Variants in CRIPT observed in about 807,000 individuals in gnomAD.
CRIPT encodes the protein CXXC repeat containing interactor of PDZ3 domain.
Under a neutral mutation model 16.6 loss-of-function variants are expected in CRIPT, and 20 were observed. That is an observed-to-expected ratio of 1.20 (90% CI 0.85 to 1.75). The LOEUF is 1.75. Among genes scored for constraint, CRIPT ranks in the 40% most tolerant of loss-of-function variants. The pLI is 0.00. For missense variants in CRIPT, 133 were observed against 115.3 expected (o/e 1.15, Z -0.70); for synonymous variants, 42 against 37.0 (o/e 1.14, Z -0.49).
Position 46,626,663 on chromosome 2 carries a change from G to T in CRIPT, c.*2436G>T, listed in dbSNP as rs1387859074. Among the ~76,000 whole-genome samples, 34 of 152,188 alleles carry T rather than the reference G, an allele frequency of 2.2e-4. No individual in the cohort carries two copies. Among genetic ancestry groups the T allele is most frequent in the Admixed American group, 2.1e-3 (32 of 15,280 alleles). ...TTGACTTTTTGATAATAGCCATTCTGACTGGTGTGAGATTGTAACTCATTG... is the reference window on the plus strand; with the variant it reads ...TTGACTTTTTGATAATAGCCATTCTTACTGGTGTGAGATTGTAACTCATTG... On this transcript the variant is annotated 3_prime_UTR_variant, in exon 5 of 5. Coordinates refer to ENST00000238892, the MANE Select transcript of CRIPT (RefSeq NM_014171.6).
intron 3 of CRIPT, among the ~76,000 whole-genome samples, chr2:46,621,597 A>G (rs1033999682): frequency 4.7e-4 from 72 of 152,152 alleles, no homozygotes; most frequent in African/African-American, 1.4e-3. Context: ...TCTCACTACA[A>G]TATTATCTGA....
chr2:46,624,001 C>T, intron 4 of CRIPT, 134 bp downstream of exon 4: 2 of 504,938 alleles, frequency 4.0e-6, no homozygotes, highest in Non-Finnish European at 6.4e-6. Context: ...CAAAATAGAA[C>T]CTAAAACCTG....
At chr2:46,624,001 C>G (rs1291286540) in intron 4 of CRIPT, 134 bp downstream of exon 4, 3 of 504,836 alleles carry the variant, frequency 5.9e-6, no homozygotes, top group Non-Finnish European at 9.5e-6. Flanking sequence ...CAAAATAGAA[C>G]CTAAAACCTG....
chr2:46,623,173 A>G (rs1042424085), intron 3 of CRIPT, among the ~76,000 whole-genome samples: 1 of 152,306 alleles, frequency 6.6e-6, no homozygotes, highest in African/African-American at 2.4e-5. Context: ...ATAACTGTAG[A>G]TGCATTAATC....
intron 2 of CRIPT, 31 bp from the exon 3 acceptor site, chr2:46,619,596 A>G: frequency 6.7e-7 from 1 of 1,483,306 alleles, no homozygotes; most frequent in South Asian, 1.2e-5. Context: ...TATAGAAATA[A>G]CCCACTAAAA....
intron 1 of CRIPT, 99 bp downstream of exon 1, chr2:46,617,397 A>G (rs1273718473): frequency 5.2e-6 from 7 of 1,346,356 alleles, no homozygotes; most frequent in Non-Finnish European, 3.1e-6. Flanking sequence ...CTTCGCCCAC[A>G]GGTCTCAGAT....
chr2:46,624,451 G>A lies in CRIPT; in HGVS notation c.*224G>A. The stretch of plus-strand genomic sequence containing the variant: ...TTATAAGAATTTTAAGAACTAAGTG[G>A]CAAATTCCATGAAAATATTTCTCAG... On this transcript the variant is annotated 3_prime_UTR_variant, in exon 5 of 5. Transcript: ENST00000238892. 6.0e-6 allele frequency: 2 copies of A among 333,402 alleles called. No individual in the cohort carries two copies. Among genetic ancestry groups the A allele is most frequent in the Admixed American group, 9.5e-5 (2 of 21,002 alleles). The allele number at this position is 333,402 out of a possible 1,614,324, so 20.7% of individuals were successfully genotyped here. A position where few individuals can be genotyped will look rare whatever the true frequency, so the allele number is the denominator to read the frequency against.
chr2:46,620,207 G>C (rs1048243518), intron 3 of CRIPT, among the ~76,000 whole-genome samples: 1 of 152,158 alleles, frequency 6.6e-6, no homozygotes, highest in African/African-American at 2.4e-5. Flanking sequence ...CTAGCACTTT[G>C]GGAAGCCAAG....
Position 46,623,842 on chromosome 2 carries a change from C to G in CRIPT, c.216C>G (p.Tyr72Ter), listed in dbSNP as rs200980926. Reference sequence around the variant, plus strand: ...CTGTGCACCAACCAGGTTCTCATTACTGCCAGGGCTGTGCCTACAAAAAAG... The same window carrying G: ...CTGTGCACCAACCAGGTTCTCATTAGTGCCAGGGCTGTGCCTACAAAAAAG... ...KSSVHQPGSHYCQGCAYKKGI... is the reference protein window; with the variant it reads ...KSSVHQPGSH Residue 72 changes from tyrosine (Y) to a stop codon, truncating the protein, a stop_gained, in exon 4 of 5, where the codon TAC becomes TAG. Coordinates refer to ENST00000238892, the MANE Select transcript of CRIPT (RefSeq NM_014171.6). LOFTEE classifies it high-confidence loss of function. 1 of 1,609,782 alleles carries G rather than the reference C, an allele frequency of 6.2e-7. No homozygotes were observed. The highest frequency in any genetic ancestry group is 8.5e-7 in the Non-Finnish European group (1 of 1,177,424).
In CRIPT at chr2:46,627,111, G is replaced by T. The variant is rs1196986009; in HGVS notation, c.*2884G>T. Among the ~76,000 whole-genome samples the T allele has an allele frequency of 6.6e-6, 1 of 152,130 alleles. No homozygotes were observed. Among genetic ancestry groups the T allele is most frequent in the Non-Finnish European group, 1.5e-5 (1 of 68,026 alleles). On this transcript the variant is annotated 3_prime_UTR_variant, in exon 5 of 5. Transcript: ENST00000238892. Reference sequence around the variant, plus strand: ...GCCTCCCAAAGTGCTGGGATTACAGGAGTGAGCCACCACACCTGGCCACGA... The same window carrying T: ...GCCTCCCAAAGTGCTGGGATTACAGTAGTGAGCCACCACACCTGGCCACGA...
chr2:46,620,507 A>G (rs1166031956), intron 3 of CRIPT, among the ~76,000 whole-genome samples: 1 of 151,846 alleles, frequency 6.6e-6, no homozygotes, highest in Admixed American at 6.6e-5. Flanking sequence ...TCCCCTTCAC[A>G]TCAGAAGTTT....
Position 46,629,151 on chromosome 2 carries a change from T to C in CRIPT, c.*4924T>C, listed in dbSNP as rs928216292. Among the ~76,000 whole-genome samples, 4 of 152,244 alleles carry C rather than the reference T, an allele frequency of 2.6e-5. No individual in the cohort carries two copies. The highest frequency in any genetic ancestry group is 5.9e-5 in the Non-Finnish European group (4 of 68,044). On this transcript the variant is annotated 3_prime_UTR_variant, in exon 5 of 5. Transcript: ENST00000238892. ...GGAAAACACAGGAAGCTAATAGTAC[T>C]GTTTTTCTCTGGAGTGGGTGTAAGG...
rs1217753186 is a variant in CRIPT, at chr2:46,625,099, A to C, written c.*872A>C. 5 of 136,710 alleles carry C rather than the reference A, an allele frequency of 3.7e-5. No homozygotes were observed. The Admixed American group carries it at 3.8e-4, about 10-fold the overall frequency. The allele number at this position is 136,710 out of a possible 1,614,324, so 8.5% of individuals were successfully genotyped here. ...TTTTTTTTTTTTTTTTGGATACAAG[A>C]GCTCACTCTGTTGCCCAGGGTGGAG... On this transcript the variant is annotated 3_prime_UTR_variant, in exon 5 of 5. Transcript: ENST00000238892.
intron 3 of CRIPT, among the ~76,000 whole-genome samples, chr2:46,622,821 A>G (rs939620948): frequency 6.6e-6 from 1 of 152,036 alleles, no homozygotes; most frequent in Non-Finnish European, 1.5e-5. Flanking sequence ...TCAAAAAAAA[A>G]AAAGTGATAT....
intron 3 of CRIPT, among the ~76,000 whole-genome samples, chr2:46,623,261 A>G (rs1236771503): frequency 1.3e-5 from 2 of 152,210 alleles, no homozygotes; most frequent in African/African-American, 2.4e-5. Flanking sequence ...CAAAAATCAC[A>G]ATCAGAATAT....
intron 3 of CRIPT, among the ~76,000 whole-genome samples, chr2:46,621,585 C>G (rs1434544199): frequency 6.6e-6 from 1 of 152,198 alleles, no homozygotes; most frequent in Non-Finnish European, 1.5e-5. Flanking sequence ...CTGTTTACCT[C>G]TTCTCACTAC....
In CRIPT at chr2:46,629,260, T is replaced by C. The variant is rs1671015967; in HGVS notation, c.*5033T>C. On this transcript the variant is annotated 3_prime_UTR_variant, in exon 5 of 5. Coordinates refer to ENST00000238892, the MANE Select transcript of CRIPT (RefSeq NM_014171.6). ...TTCCCTTAACTGGGGGTGTGTATCC[T>C]AGAATCCTCGACCCATTAGAAAGTA... Among the ~76,000 whole-genome samples, 2 of 152,172 alleles carry C rather than the reference T, an allele frequency of 1.3e-5. No homozygotes were observed. The highest frequency in any genetic ancestry group is 4.1e-4 in the South Asian group (2 of 4,830).
Position 46,626,189 on chromosome 2 carries a change from T to A in CRIPT, c.*1962T>A, listed in dbSNP as rs1670935764. Among the ~76,000 whole-genome samples, 1 of 152,154 alleles carries A rather than the reference T, an allele frequency of 6.6e-6. No individual in the cohort carries two copies. Among genetic ancestry groups the A allele is most frequent in the Admixed American group, 6.5e-5 (1 of 15,270 alleles). ...CCCACTGATAAGTGAGAACATGCGG[T>A]CTTTGGTTTTCTGTTCCTGTGTATA... is the stretch of plus-strand genomic sequence containing the variant. On this transcript the variant is annotated 3_prime_UTR_variant, in exon 5 of 5. Coordinates refer to ENST00000238892, the MANE Select transcript of CRIPT (RefSeq NM_014171.6).
In CRIPT at chr2:46,625,152, G is replaced by T. The variant is rs1426626938; in HGVS notation, c.*925G>T. 6.8e-6 allele frequency: 1 copy of T among 146,742 alleles called. No homozygotes were observed. The highest frequency in any genetic ancestry group is 1.5e-5 in the Non-Finnish European group (1 of 67,436). 9.1% of individuals were successfully genotyped at this position (146,742 alleles called of 1,614,324 possible). A position where few individuals can be genotyped will look rare whatever the true frequency, so the allele number is the denominator to read the frequency against. ...CAGAGGTATCATCAGGCTCTCTGCAGCCTCCATCTGCTGGGCTCAAGCAAT... is the reference window on the plus strand; with the variant it reads ...CAGAGGTATCATCAGGCTCTCTGCATCCTCCATCTGCTGGGCTCAAGCAAT... On this transcript the variant is annotated 3_prime_UTR_variant, in exon 5 of 5. Coordinates refer to ENST00000238892, the MANE Select transcript of CRIPT (RefSeq NM_014171.6).
Sources: allele counts gnomAD v4.1 joint callset (sites outside exome capture counted in the v4.1 genomes callset), GRCh38; gene constraint gnomAD v4.1.1; transcripts MANE v1.5; gene names NCBI Gene and HGNC (gene_info 2026-07-23, HGNC 2026-07-21).